The following LGSN variants were observed in gnomAD, a reference collection of about 807,000 sequenced individuals.
The protein encoded by LGSN is lengsin.
In LGSN, 21 loss-of-function variants were observed where a neutral mutation model predicts 19.5. The observed-to-expected ratio is 1.07, with a 90% CI of 0.76 to 1.55. The LOEUF (loss-of-function observed/expected upper bound fraction) is 1.55. Ranked by LOEUF, LGSN falls within the 40% of genes most tolerant of loss-of-function variation. LGSN has a pLI of 0.00. For synonymous variants in LGSN, 257 were observed against 215.6 expected, an observed-to-expected ratio of 1.19 and a Z score of -1.68; for missense variants, 673 against 608.5, an observed-to-expected ratio of 1.11 and a Z score of -1.12.
intron 1 of LGSN, among the ~76,000 whole-genome samples, chr6:63,313,629 G>A (rs1269933867): frequency 2.0e-5 from 3 of 152,034 alleles, no homozygotes; most frequent in Non-Finnish European, 2.9e-5. Context: ...GAGGCCAGGA[G>A]TTTGAGACCA....
chr6:63,376,835 GCATTTTAACAATGGTCTA>G, the LGSN span, among the ~76,000 whole-genome samples: 1 of 152,168 alleles, frequency 6.6e-6, no homozygotes, highest in African/African-American at 2.4e-5. Flanking sequence ...CATACAAAGT[GCATTTTAACAATGGTCTA>G]CATTCACAAG....
At chr6:63,449,536 T>A in the LGSN span, among the ~76,000 whole-genome samples, 1 of 144,368 alleles carries the variant, frequency 6.9e-6, no homozygotes, top group Non-Finnish European at 1.5e-5. Flanking sequence ...AGAGCGAGAC[T>A]CCGTCAAAAA....
chr6:63,414,322 T>A, the LGSN span, among the ~76,000 whole-genome samples: 1 of 152,128 alleles, frequency 6.6e-6, no homozygotes, highest in African/African-American at 2.4e-5. Context: ...CTGTAAAATA[T>A]CCCCCCATTT....
the LGSN span, among the ~76,000 whole-genome samples, chr6:63,509,645 C>T: frequency 3.9e-5 from 6 of 152,068 alleles, no homozygotes; most frequent in Non-Finnish European, 8.8e-5. Flanking sequence ...AGTGATAAAC[C>T]TAGCTTATAG....
At chr6:63,340,313 A>G in the LGSN span, among the ~76,000 whole-genome samples, 1 of 152,068 alleles carries the variant, frequency 6.6e-6, no homozygotes, top group African/African-American at 2.4e-5. Context: ...TATCTCTCTG[A>G]AGATTTGGGA....
the LGSN span, among the ~76,000 whole-genome samples, chr6:63,495,469 T>TTTTTTTTTTTTTTTTTTG: frequency 1.5e-3 from 183 of 119,290 alleles, no homozygotes; most frequent in African/African-American, 3.7e-3. Context: ...TTTTTTTTTT[T>TTTTTTTTTTTTTTTTTTG]TTTTTTTGAG....
chr6:63,317,093 C>G (rs1358234255), intron 1 of LGSN, among the ~76,000 whole-genome samples: 1 of 151,912 alleles, frequency 6.6e-6, no homozygotes, highest in Non-Finnish European at 1.5e-5. Context: ...CATAAGCAAA[C>G]AAATTCTATC....
chr6:63,280,596 A>T lies in LGSN; in HGVS notation c.955T>A (p.Trp319Arg). The T allele has an allele frequency of 6.2e-7, 1 of 1,614,116 alleles. No homozygotes were observed. Among genetic ancestry groups the T allele is most frequent in the Non-Finnish European group, 8.5e-7 (1 of 1,180,034 alleles). ...ATGTTTTTCTTCCTATCGACATCCC[A>T]GAGACTATGAGACAAAATCCCTGAA... ...CDSGILSHSL[W>R]DVDRKKNMFC... The change falls in exon 4 of 4, where the codon TGG becomes AGG. Residue 319 changes from tryptophan (W) to arginine (R), a missense_variant. Physicochemically the swap from Trp to Arg is moderately radical, Grantham distance 101 (BLOSUM62 -3). Transcript: ENST00000370657.
In LGSN at chr6:63,279,073, G is replaced by A. The variant is rs902794676; in HGVS notation, c.*948C>T. 9.2e-5 allele frequency: 14 copies of A among 152,072 alleles called. No homozygotes were observed. Among genetic ancestry groups the A allele is most frequent in the Non-Finnish European group, 1.9e-4 (13 of 68,010 alleles). 9.4% of individuals were successfully genotyped at this position (152,072 alleles called of 1,614,324 possible). On this transcript the variant is annotated 3_prime_UTR_variant, in exon 4 of 4. Coordinates refer to ENST00000370657, the MANE Select transcript of LGSN (RefSeq NM_016571.3). ...GGCCTGGAACAGGTAATATTCTCTG[G>A]GGAGGTACCAACCTCTGTGAGCAGC...
chr6:63,527,853 G>A, the LGSN span: 1 of 152,226 alleles, frequency 6.6e-6, no homozygotes. Flanking sequence ...ACATGAAAGG[G>A]TGACTCATAA....
the LGSN span, among the ~76,000 whole-genome samples, chr6:63,327,050 G>C: frequency 6.6e-6 from 1 of 152,206 alleles, no homozygotes; most frequent in Non-Finnish European, 1.5e-5. Flanking sequence ...CCTAACTGCT[G>C]TTGGCAATTT....
the LGSN span, among the ~76,000 whole-genome samples, chr6:63,549,946 AAGG>A: frequency 2.0e-5 from 3 of 152,324 alleles, no homozygotes; most frequent in South Asian, 6.2e-4. Context: ...AAATTGCTAG[AAGG>A]AGGATATTGA....
At chr6:63,345,063 TA>T in the LGSN span, among the ~76,000 whole-genome samples, 1 of 152,020 alleles carries the variant, frequency 6.6e-6, no homozygotes, top group Non-Finnish European at 1.5e-5. Flanking sequence ...ATGACCTAAA[TA>T]AGAGATTTAC....
At chr6:63,516,680 G>A in the LGSN span, among the ~76,000 whole-genome samples, 1 of 152,202 alleles carries the variant, frequency 6.6e-6, no homozygotes, top group South Asian at 2.1e-4. Context: ...ACACAGGTGA[G>A]TGGAAAAAAA....
chr6:63,321,903 C>T (rs182313486), upstream of LGSN, among the ~76,000 whole-genome samples: 1 of 152,298 alleles, frequency 6.6e-6, no homozygotes, highest in African/African-American at 2.4e-5. Context: ...AAGTCTTTCT[C>T]TTACCACTCT....
At chr6:63,550,456 C>T in the LGSN span, 14 of 152,094 alleles carry the variant, frequency 9.2e-5, no homozygotes, top group East Asian at 1.9e-4. Flanking sequence ...GTTCTTCAGA[C>T]GACTCTACCT....
In LGSN at chr6:63,279,579, T is replaced by A. The variant is rs1041459826; in HGVS notation, c.*442A>T. The A allele has an allele frequency of 7.1e-5, 11 of 154,052 alleles. No homozygotes were observed. The highest frequency in any genetic ancestry group is 1.3e-4 in the Non-Finnish European group (9 of 69,434). The allele number at this position is 154,052 out of a possible 1,614,324, so 9.5% of individuals were successfully genotyped here. A position where few individuals can be genotyped will look rare whatever the true frequency, so the allele number is the denominator to read the frequency against. On this transcript the variant is annotated 3_prime_UTR_variant, in exon 4 of 4. Transcript: ENST00000370657. The stretch of plus-strand genomic sequence containing the variant: ...TATTATTTGATTAGCGAGACTATAT[T>A]AGTATATTTGTCTCCCTGGAAATCA...
chr6:63,433,880 C>T, the LGSN span, among the ~76,000 whole-genome samples: 1 of 152,208 alleles, frequency 6.6e-6, no homozygotes, highest in Non-Finnish European at 1.5e-5. Context: ...AAGTTGTATA[C>T]TTTCCCATCC....
chr6:63,459,393 T>C, the LGSN span, among the ~76,000 whole-genome samples: 1 of 152,168 alleles, frequency 6.6e-6, no homozygotes, highest in Non-Finnish European at 1.5e-5. Flanking sequence ...TTAATTATTG[T>C]ACTTTTTTGA....
Sources: allele counts gnomAD v4.1 joint callset (sites outside exome capture counted in the v4.1 genomes callset), GRCh38; gene constraint gnomAD v4.1.1; transcripts MANE v1.5; gene names NCBI Gene and HGNC (gene_info 2026-07-23, HGNC 2026-07-21).